Variants in DLGAP4 observed in about 807,000 individuals in gnomAD.
The protein encoded by DLGAP4 is disks large-associated protein 4.
DLGAP4 carries 18 observed loss-of-function variants against 86.9 expected under a neutral mutation model. The observed-to-expected ratio is 0.21, with a 90% CI of 0.14 to 0.31. The LOEUF is 0.31. Among genes scored for constraint, DLGAP4 ranks in the 10% least tolerant of loss-of-function variants. DLGAP4 has a pLI of 1.00. For missense variants in DLGAP4, 1,085 were observed against 1,362.6 expected, an observed-to-expected ratio of 0.80 and a Z score of 3.21; for synonymous variants, 548 against 574.3, an observed-to-expected ratio of 0.95 and a Z score of 0.65.
chr20:36,342,440 C>T (rs76742424), intron 1 of DLGAP4, among the ~76,000 whole-genome samples: 5,031 of 152,242 alleles, frequency 0.033, 278 homozygotes, highest in African/African-American at 0.11. Context: ...GAGGCCTCAG[C>T]CCAGTAGGTT....
intron 1 of DLGAP4, among the ~76,000 whole-genome samples, chr20:36,339,686 A>C (rs1307068704): frequency 6.6e-5 from 10 of 152,346 alleles, no homozygotes; most frequent in Middle Eastern, 3.4e-3. Flanking sequence ...CCCCCTGAGT[A>C]AGGGAGTTAG....
At chr20:36,433,754 C>A (rs973513054) in intron 3 of DLGAP4, among the ~76,000 whole-genome samples, 3 of 151,250 alleles carry the variant, frequency 2.0e-5, no homozygotes, top group Non-Finnish European at 2.9e-5. Context: ...CGGGTTCAAG[C>A]AATTCTCCTG....
At chr20:36,509,198 A>C (rs534027648) in intron 10 of DLGAP4, among the ~76,000 whole-genome samples, 214 of 151,870 alleles carry the variant, frequency 1.4e-3, no homozygotes, top group Non-Finnish European at 2.1e-3. Flanking sequence ...TGACGTGGGA[A>C]GATTGCTTGA....
chr20:36,495,049 G>A lies in DLGAP4; in HGVS notation c.1649-1656G>A, dbSNP rs146744542. On this transcript the variant is annotated intron_variant, in intron 7 of 12. Transcript: ENST00000339266. ...CTCTTATTGCCTAGGCTGGAGTGCAGTGGCGTAATCTTGGCTCACTGCAAC... is the reference window on the plus strand; with the variant it reads ...CTCTTATTGCCTAGGCTGGAGTGCAATGGCGTAATCTTGGCTCACTGCAAC... Among the ~76,000 whole-genome samples the A allele has an allele frequency of 4.7e-3, 588 of 126,274 alleles. 4 individuals are homozygous for A. Among genetic ancestry groups the A allele is most frequent in the Admixed American group, 8.7e-3 (87 of 10,042 alleles). 82.8% of individuals were successfully genotyped at this position (126,274 alleles called of 152,430 possible).
intron 1 of DLGAP4, among the ~76,000 whole-genome samples, chr20:36,331,079 C>T (rs1246888393): frequency 1.3e-5 from 2 of 152,222 alleles, no homozygotes; most frequent in African/African-American, 2.4e-5. Context: ...AGCTCATCCC[C>T]CCTGGGGGCC....
At chr20:36,481,444 A>G (rs559597735) in intron 7 of DLGAP4, among the ~76,000 whole-genome samples, 1 of 152,272 alleles carries the variant, frequency 6.6e-6, no homozygotes, top group Admixed American at 6.5e-5. Flanking sequence ...CTTTACGCTA[A>G]GCACAACTTT....
chr20:36,328,418 A>G (rs2065237005), intron 1 of DLGAP4, among the ~76,000 whole-genome samples: 1 of 151,970 alleles, frequency 6.6e-6, no homozygotes, highest in African/African-American at 2.4e-5. Context: ...AATGAGATTA[A>G]AGAAATGCCA....
chr20:36,461,567 C>G, intron 7 of DLGAP4: 1 of 961,596 alleles, frequency 1.0e-6, no homozygotes, highest in East Asian at 1.2e-4. Flanking sequence ...CTGTCCGGTC[C>G]ACGTCGTCGC....
intron 7 of DLGAP4, among the ~76,000 whole-genome samples, chr20:36,486,098 C>T (rs2035399220): frequency 6.6e-6 from 1 of 152,136 alleles, no homozygotes; most frequent in South Asian, 2.1e-4. Flanking sequence ...CCTCTGTTTA[C>T]CCAGTTGTCA....
At chr20:36,408,055 C>T (rs772679347) in intron 2 of DLGAP4, among the ~76,000 whole-genome samples, 48 of 151,846 alleles carry the variant, frequency 3.2e-4, no homozygotes, top group Non-Finnish European at 5.4e-4. Context: ...GGCCCTTTGT[C>T]GGGGGCTTCC....
rs1436240930 is a variant in DLGAP4 at position 36,432,451 on chromosome 20, C to T, written c.734C>T (p.Ala245Val). 6.2e-7 allele frequency: 1 copy of T among 1,613,886 alleles called. No homozygotes were observed. Among genetic ancestry groups the T allele is most frequent in the East Asian group, 2.2e-5 (1 of 44,876 alleles). The change falls in exon 3 of 13, where the codon GCC becomes GTC. Residue 245 changes from alanine to valine, a missense_variant. Physicochemically the swap from Ala to Val is moderately conservative, Grantham distance 64. Transcript: ENST00000339266. This position sits in a 1 kb window ranked among gnomAD's most constrained non-coding sequence, Gnocchi z 6.5. ...ERSQPRYFMH[A>V]YNTISGHMLK... ...AGCCAGCCACGCTACTTCATGCACG[C>T]CTACAACACCATCAGTGGGCACATG... is the stretch of plus-strand genomic sequence containing the variant.
intron 7 of DLGAP4, chr20:36,461,354 G>A (rs1302445007): frequency 2.9e-6 from 2 of 689,810 alleles, no homozygotes; most frequent in Non-Finnish European, 3.6e-6. Context: ...CAAGCGGGCT[G>A]CGCGCGCCCC....
chr20:36,313,064 T>C (rs1238517998), intron 1 of DLGAP4, among the ~76,000 whole-genome samples: 4 of 152,142 alleles, frequency 2.6e-5, no homozygotes, highest in African/African-American at 9.7e-5. Flanking sequence ...GGCTTCCCTC[T>C]GAGCGGTGTC....
chr20:36,426,406 T>C (rs2032974812), intron 2 of DLGAP4, among the ~76,000 whole-genome samples: 1 of 152,020 alleles, frequency 6.6e-6, no homozygotes. Context: ...TCCCAGCTAC[T>C]TGGGAGGCTG....
intron 7 of DLGAP4, among the ~76,000 whole-genome samples, chr20:36,494,361 A>G (rs1254952867): frequency 6.6e-6 from 1 of 152,220 alleles, no homozygotes; most frequent in Non-Finnish European, 1.5e-5. Context: ...CTTTTCTGGA[A>G]TCCACTAGAA....
chr20:36,456,106 A>T lies in DLGAP4; in HGVS notation c.1648+9169A>T, dbSNP rs537922784. Among the ~76,000 whole-genome samples, 5 of 152,314 alleles carry T rather than the reference A, an allele frequency of 3.3e-5. No homozygotes were observed. The South Asian group carries it at 1.0e-3, about 32-fold the overall frequency. On this transcript the variant is annotated intron_variant, in intron 7 of 12. Coordinates refer to ENST00000339266, the MANE Select transcript of DLGAP4 (RefSeq NM_001365621.2). ...TACCGTAGCCAGAAGAGTTACATAC[A>T]TCTGCAATTCCTGATCTAACCCACT...
At chr20:36,493,648 A>G (rs1277747541) in intron 7 of DLGAP4, among the ~76,000 whole-genome samples, 1 of 152,182 alleles carries the variant, frequency 6.6e-6, no homozygotes, top group African/African-American at 2.4e-5. Flanking sequence ...GAAGGCCCCA[A>G]ACACCGGCAG....
intron 7 of DLGAP4, among the ~76,000 whole-genome samples, chr20:36,479,490 C>T (rs940371021): frequency 6.6e-6 from 1 of 152,094 alleles, no homozygotes; most frequent in South Asian, 2.1e-4. Context: ...TGGGCAAGGG[C>T]CTGTGGTGTG....
At chr20:36,467,063 T>TCTCCC (rs1569509700) in intron 7 of DLGAP4, among the ~76,000 whole-genome samples, 1 of 39,350 alleles carries the variant, frequency 2.5e-5, no homozygotes, top group African/African-American at 1.2e-4. Flanking sequence ...TCTCTCTCTC[T>TCTCCC]CCCCCCCCCT....
Sources: allele counts gnomAD v4.1 joint callset (sites outside exome capture counted in the v4.1 genomes callset), GRCh38; gene constraint gnomAD v4.1.1; non-coding constraint Gnocchi (gnomAD v3.1); transcripts MANE v1.5; gene names NCBI Gene and HGNC (gene_info 2026-07-23, HGNC 2026-07-21).